The following DPYD variants were observed in gnomAD, a reference collection of about 807,000 sequenced individuals.
The protein encoded by DPYD is dihydropyrimidine dehydrogenase [NADP(+)].
DPYD carries 109 observed loss-of-function variants against 116.2 expected under a neutral mutation model. The ratio of observed to expected loss-of-function variants is 0.94; its 90% CI spans 0.80 to 1.10. The LOEUF (loss-of-function observed/expected upper bound fraction) is 1.10. Among genes scored for constraint, DPYD ranks in the 50% least tolerant of loss-of-function variants. The pLI is 0.00. For synonymous variants in DPYD, 440 were observed against 432.0 expected (o/e 1.02, Z -0.23); for missense variants, 1,302 against 1,254.5 (o/e 1.04, Z -0.57).
intron 16 of DPYD, among the ~76,000 whole-genome samples, chr1:97,349,392 A>T (rs528261214): frequency 3.7e-4 from 57 of 152,068 alleles, no homozygotes; most frequent in African/African-American, 1.3e-3. Context: ...CATGTGCACA[A>T]CGTGCAGGTT....
At chr1:97,209,244 T>C in intron 19 of DPYD, among the ~76,000 whole-genome samples, 1 of 152,166 alleles carries the variant, frequency 6.6e-6, no homozygotes, top group East Asian at 1.9e-4. Context: ...GTAAATAAGG[T>C]AAATAAATAC....
intron 3 of DPYD, among the ~76,000 whole-genome samples, chr1:97,793,246 C>T (rs1667403629): frequency 6.6e-6 from 1 of 152,122 alleles, no homozygotes; most frequent in African/African-American, 2.4e-5. Flanking sequence ...ATACTATGTT[C>T]ATGGGTCAGA....
chr1:97,758,326 C>T (rs1421657069), intron 3 of DPYD, among the ~76,000 whole-genome samples: 2 of 150,242 alleles, frequency 1.3e-5, no homozygotes, highest in African/African-American at 4.9e-5. Flanking sequence ...ATATCCTCTT[C>T]ACATATGTCA....
In DPYD at chr1:97,356,050, G is replaced by A. The variant is rs183062183; in HGVS notation, c.2058+17511C>T. Among the ~76,000 whole-genome samples the A allele has an allele frequency of 5.2e-3, 787 of 152,204 alleles. 5 individuals carry two copies. The highest frequency in any genetic ancestry group is 0.02 in the Middle Eastern group (6 of 294). Reference sequence around the variant, plus strand: ...ATACTAATTTACATTTCCACCAACAGCGTGCCAGGGCTCCCTTTTCTCTGC... The same window carrying A: ...ATACTAATTTACATTTCCACCAACAACGTGCCAGGGCTCCCTTTTCTCTGC... On this transcript the variant is annotated intron_variant, in intron 16 of 22. Transcript: ENST00000370192.
At chr1:97,485,510 T>TC (rs1356325577) in intron 13 of DPYD, among the ~76,000 whole-genome samples, 1 of 152,146 alleles carries the variant, frequency 6.6e-6, no homozygotes, top group African/African-American at 2.4e-5. Flanking sequence ...CCTGACATAC[T>TC]CTTTTTTAGA....
At chr1:97,709,636 T>G (rs1263459705) in intron 5 of DPYD, among the ~76,000 whole-genome samples, 1 of 151,768 alleles carries the variant, frequency 6.6e-6, no homozygotes, top group Non-Finnish European at 1.5e-5. Context: ...ATGGAAAGAT[T>G]GCAATGCAGA....
At chr1:97,782,706 T>A (rs1666818176) in intron 3 of DPYD, among the ~76,000 whole-genome samples, 1 of 152,218 alleles carries the variant, frequency 6.6e-6, no homozygotes, top group Non-Finnish European at 1.5e-5. Context: ...TCAGTGCTAC[T>A]TTATATGACA....
At chr1:97,656,127 C>T (rs190958085) in intron 8 of DPYD, among the ~76,000 whole-genome samples, 86 of 152,262 alleles carry the variant, frequency 5.6e-4, no homozygotes, top group African/African-American at 2.0e-3. Flanking sequence ...TTATAATTCA[C>T]AACAACACAT....
intron 20 of DPYD, among the ~76,000 whole-genome samples, chr1:97,141,962 C>T (rs1179551622): frequency 1.3e-5 from 2 of 152,096 alleles, no homozygotes; most frequent in African/African-American, 4.8e-5. Flanking sequence ...TATTCTAGAA[C>T]CACACACGAA....
At chr1:97,826,790 T>C (rs1421451639) in intron 3 of DPYD, among the ~76,000 whole-genome samples, 5 of 152,260 alleles carry the variant, frequency 3.3e-5, no homozygotes, top group Middle Eastern at 3.4e-3. Context: ...GCATTTTATA[T>C]AGATACAAAT....
intron 19 of DPYD, among the ~76,000 whole-genome samples, chr1:97,197,083 G>C (rs1460212442): frequency 6.6e-6 from 1 of 152,102 alleles, no homozygotes; most frequent in Non-Finnish European, 1.5e-5. Flanking sequence ...GTACAATGTA[G>C]AAAAGAGTAT....
intron 3 of DPYD, among the ~76,000 whole-genome samples, chr1:97,742,544 C>T (rs1664326934): frequency 1.3e-5 from 2 of 152,072 alleles, no homozygotes; most frequent in Non-Finnish European, 2.9e-5. Flanking sequence ...TTCCTGTCTG[C>T]TCATACTTAA....
chr1:97,573,246 T>C (rs989273210), intron 11 of DPYD, among the ~76,000 whole-genome samples: 3 of 152,082 alleles, frequency 2.0e-5, no homozygotes, highest in African/African-American at 7.2e-5. Flanking sequence ...ATTTTGTTTT[T>C]CTTAGCATGC....
At chr1:97,582,219 A>G (rs1463278786) in intron 10 of DPYD, among the ~76,000 whole-genome samples, 1 of 152,256 alleles carries the variant, frequency 6.6e-6, no homozygotes, top group Non-Finnish European at 1.5e-5. Flanking sequence ...TACATGACTT[A>G]GAGACCACAT....
chr1:97,418,717 G>A (rs1674417953), intron 14 of DPYD, among the ~76,000 whole-genome samples: 1 of 152,068 alleles, frequency 6.6e-6, no homozygotes, highest in Non-Finnish European at 1.5e-5. Flanking sequence ...AGAACATAAT[G>A]AAAACCTTCT....
At chr1:97,814,920 A>AG (rs1668505560) in intron 3 of DPYD, among the ~76,000 whole-genome samples, 1 of 9,932 alleles carries the variant, frequency 1.0e-4, no homozygotes, top group Non-Finnish European at 2.6e-4. Context: ...AAAAAAAAAA[A>AG]AGAAAGAGAG....
intron 3 of DPYD, among the ~76,000 whole-genome samples, chr1:97,770,579 C>T (rs1211474456): frequency 1.3e-5 from 2 of 152,158 alleles, no homozygotes; most frequent in Non-Finnish European, 2.9e-5. Context: ...TGAGAACAAA[C>T]TGTTTTCAAA....
intron 1 of DPYD, among the ~76,000 whole-genome samples, chr1:97,914,928 T>G (rs1185959761): frequency 6.6e-6 from 1 of 152,188 alleles, no homozygotes; most frequent in Non-Finnish European, 1.5e-5. Context: ...TCATAGATTC[T>G]AACAGACTTC....
At position 97,593,500 on chromosome 1, in the gene DPYD, G is replaced by C. The variant is rs1357695511; in HGVS notation, c.959-113C>G. 9.8e-6 allele frequency: 12 copies of C among 1,222,386 alleles called. No homozygotes were observed. In the Admixed American group the frequency reaches 2.2e-4, roughly 22 times the overall value. 75.7% of individuals were successfully genotyped at this position (1,222,386 alleles called of 1,614,324 possible). A position where few individuals can be genotyped will look rare whatever the true frequency, so the allele number is the denominator to read the frequency against. On this transcript the variant is annotated intron_variant, in intron 9 of 22. Coordinates refer to ENST00000370192, the MANE Select transcript of DPYD (RefSeq NM_000110.4). Reference sequence around the variant, plus strand: ...AAAATTGCATCTTGCAGTTTTCCAGGATGAAGTGTCACTATCAAATTATTC... The same window carrying C: ...AAAATTGCATCTTGCAGTTTTCCAGCATGAAGTGTCACTATCAAATTATTC...
Sources: gnomAD v4.1 joint callset for allele counts (sites outside exome capture counted in the v4.1 genomes callset) on GRCh38, gnomAD v4.1.1 for gene constraint, MANE v1.5 for transcripts, NCBI Gene and HGNC (gene_info 2026-07-23, HGNC 2026-07-21) for gene names.